Variants in ELAC1 observed in about 807,000 individuals in gnomAD.
The protein encoded by ELAC1 is elaC ribonuclease Z 1, also known as zinc phosphodiesterase ELAC protein 1.
In ELAC1, 19 loss-of-function variants were observed where a neutral mutation model predicts 25.8. The ratio of observed to expected loss-of-function variants is 0.74; its 90% CI spans 0.51 to 1.08. The LOEUF (loss-of-function observed/expected upper bound fraction) is 1.08, where lower values mean the gene tolerates loss of function less well. ELAC1 is among the 50% of genes least tolerant of loss of function. ELAC1 has a pLI of 0.00. For missense variants in ELAC1, 403 were observed against 434.6 expected, an observed-to-expected ratio of 0.93 and a Z score of 0.65; for synonymous variants, 148 against 160.9, an observed-to-expected ratio of 0.92 and a Z score of 0.61.
intron 2 of ELAC1, among the ~76,000 whole-genome samples, chr18:50,974,818 G>A (rs914751453): frequency 1.1e-4 from 17 of 152,294 alleles, no homozygotes; most frequent in South Asian, 6.2e-4. Flanking sequence ...GGGAAATGTC[G>A]TGGGATACAC....
In ELAC1 at chr18:50,980,299, A is replaced by T. The variant is rs528448387; in HGVS notation, c.158-3797A>T. Among the ~76,000 whole-genome samples, 9 of 151,884 alleles carry T rather than the reference A, an allele frequency of 5.9e-5. No individual in the cohort carries two copies. In the East Asian group the frequency reaches 1.4e-3, roughly 23 times the overall value. On this transcript the variant is annotated intron_variant, in intron 2 of 3. Coordinates refer to ENST00000269466, the MANE Select transcript of ELAC1 (RefSeq NM_018696.3). ...CACTCCAGCCTGGTGACAGAGCAAG[A>T]CCCTGTCTCAACAAATAAATAAATA...
intron 1 of ELAC1, among the ~76,000 whole-genome samples, chr18:50,970,573 G>A (rs1907623969): frequency 6.6e-6 from 1 of 151,898 alleles, no homozygotes; most frequent in Non-Finnish European, 1.5e-5. Flanking sequence ...AGGTAGAGAT[G>A]CACCACCTTA....
At chr18:50,980,222 A>G (rs1477809267) in intron 2 of ELAC1, among the ~76,000 whole-genome samples, 1 of 152,038 alleles carries the variant, frequency 6.6e-6, no homozygotes, top group Non-Finnish European at 1.5e-5. Flanking sequence ...AGGCAGGAGG[A>G]TCCTTTGAGC....
At chr18:50,980,840 G>C (rs1038551143) in intron 2 of ELAC1, among the ~76,000 whole-genome samples, 2 of 151,428 alleles carry the variant, frequency 1.3e-5, no homozygotes, top group Non-Finnish European at 2.9e-5. Flanking sequence ...CATTACCTGT[G>C]ACTCTCTAGT....
At chr18:50,969,287 T>G (rs929767214) in intron 1 of ELAC1, 2 of 152,284 alleles carry the variant, frequency 1.3e-5, no homozygotes, top group African/African-American at 4.8e-5. Flanking sequence ...ACAAGTCATT[T>G]GTACGGTTCA....
chr18:50,976,386 G>A (rs1478476949), intron 2 of ELAC1, among the ~76,000 whole-genome samples: 1 of 152,136 alleles, frequency 6.6e-6, no homozygotes, highest in Non-Finnish European at 1.5e-5. Flanking sequence ...TCACATGGCT[G>A]GGGAGGCCTC....
intron 2 of ELAC1, among the ~76,000 whole-genome samples, chr18:50,981,427 A>T (rs1384723329): frequency 2.6e-5 from 4 of 152,008 alleles, no homozygotes; most frequent in Admixed American, 2.6e-4. Flanking sequence ...CAAACAATAT[A>T]TTGCAGCTTT....
chr18:50,979,912 A>G (rs976607768), intron 2 of ELAC1, among the ~76,000 whole-genome samples: 6 of 151,896 alleles, frequency 4.0e-5, no homozygotes, highest in African/African-American at 1.5e-4. Flanking sequence ...TGTATTTTTA[A>G]TAGAGATGGG....
chr18:50,987,878 G>T lies in ELAC1; in HGVS notation c.*793G>T, dbSNP rs1282964681. 1 of 152,170 alleles carries T rather than the reference G, an allele frequency of 6.6e-6. No homozygotes were observed. Among genetic ancestry groups the T allele is most frequent in the Non-Finnish European group, 1.5e-5 (1 of 68,026 alleles). The allele number at this position is 152,170 out of a possible 1,614,324, so 9.4% of individuals were successfully genotyped here. On this transcript the variant is annotated 3_prime_UTR_variant, in exon 4 of 4. Coordinates refer to ENST00000269466, the MANE Select transcript of ELAC1 (RefSeq NM_018696.3). ...AATTGCAGGCCCATTGAGATACACAGCAAGTTAGTTTATACTCTTGATGTG... is the reference window on the plus strand; with the variant it reads ...AATTGCAGGCCCATTGAGATACACATCAAGTTAGTTTATACTCTTGATGTG...
intron 2 of ELAC1, among the ~76,000 whole-genome samples, chr18:50,981,735 G>C (rs1288159100): frequency 6.6e-6 from 1 of 152,014 alleles, no homozygotes; most frequent in Non-Finnish European, 1.5e-5. Flanking sequence ...GGTTGTTTTG[G>C]TGTTCAGTTT....
intron 1 of ELAC1, among the ~76,000 whole-genome samples, chr18:50,972,186 C>T (rs2144307959): frequency 6.6e-6 from 1 of 151,878 alleles, no homozygotes; most frequent in South Asian, 2.1e-4. Context: ...CCCATCTCCA[C>T]AGTTAAATGT....
At chr18:50,974,620 G>A in intron 2 of ELAC1, 59 bp downstream of exon 2, 1 of 1,520,604 alleles carries the variant, frequency 6.6e-7, no homozygotes, top group Non-Finnish European at 9.1e-7. Flanking sequence ...TCATTTTCTT[G>A]GCTCTCCTTG....
chr18:50,986,494 A>G (rs1435106221), intron 3 of ELAC1, 125 bp from the exon 4 acceptor site: 1 of 746,968 alleles, frequency 1.3e-6, no homozygotes. Context: ...TTCCACAAGT[A>G]GTAAAACATT....
chr18:50,987,872 TA>T lies in ELAC1; in HGVS notation c.*788del, dbSNP rs1908154377. The T allele has an allele frequency of 6.6e-6, 1 of 152,206 alleles. No homozygotes were observed. Among genetic ancestry groups the T allele is most frequent in the African/African-American group, 2.4e-5 (1 of 41,456 alleles). 9.4% of individuals were successfully genotyped at this position (152,206 alleles called of 1,614,324 possible). On this transcript the variant is annotated 3_prime_UTR_variant, in exon 4 of 4. Transcript: ENST00000269466. ...AATGCAAATTGCAGGCCCATTGAGATACACAGCAAGTTAGTTTATACTCTTG... is the reference window on the plus strand; with the variant it reads ...AATGCAAATTGCAGGCCCATTGAGATCACAGCAAGTTAGTTTATACTCTTG...
At chr18:50,978,876 G>A (rs1907864908) in intron 2 of ELAC1, among the ~76,000 whole-genome samples, 1 of 152,190 alleles carries the variant, frequency 6.6e-6, no homozygotes, top group South Asian at 2.1e-4. Context: ...CATATTGTTT[G>A]GGACATATGG....
chr18:50,969,632 A>T (rs1907595177), intron 1 of ELAC1: 1 of 152,258 alleles, frequency 6.6e-6, no homozygotes, highest in Non-Finnish European at 1.5e-5. Flanking sequence ...TAACGTCAGA[A>T]AGAGAGACAG....
rs35648801 is a variant in ELAC1, at chr18:50,983,691, T to TA, written c.158-387dup. 7.4e-3 allele frequency among the ~76,000 whole-genome samples: 952 copies of TA among 128,838 alleles called. 3 individuals are homozygous for TA. The highest frequency in any genetic ancestry group is 0.011 in the Middle Eastern group (3 of 264). The allele number at this position is 128,838 out of a possible 152,430, so 84.5% of individuals were successfully genotyped here. On this transcript the variant is annotated intron_variant, in intron 2 of 3. Transcript: ENST00000269466. Reference sequence around the variant, plus strand: ...TAGCAAGACCTCATTTCTACAAAATTAAAAAAAAAAAAAAAAAACCAGGCA... The same window carrying TA: ...TAGCAAGACCTCATTTCTACAAAATTAAAAAAAAAAAAAAAAAAACCAGGCA...
chr18:50,969,809 T>A (rs1568184370), intron 1 of ELAC1: 1 of 152,252 alleles, frequency 6.6e-6, no homozygotes, highest in Non-Finnish European at 1.5e-5. Flanking sequence ...TGCATTATGC[T>A]AATCTCTACT....
intron 1 of ELAC1, among the ~76,000 whole-genome samples, chr18:50,970,735 T>TA (rs1907628135): frequency 6.6e-6 from 1 of 151,368 alleles, no homozygotes; most frequent in Admixed American, 6.6e-5. Flanking sequence ...AAATATAAAT[T>TA]TAAAAAAAAT....
Sources: gnomAD v4.1 joint callset for allele counts (sites outside exome capture counted in the v4.1 genomes callset) on GRCh38, gnomAD v4.1.1 for gene constraint, MANE v1.5 for transcripts, NCBI Gene and HGNC (gene_info 2026-07-23, HGNC 2026-07-21) for gene names.